The following SLC33A1 variants were observed in gnomAD, a reference collection of about 807,000 sequenced individuals.
SLC33A1 encodes acetyl-coenzyme A transporter 1.
In SLC33A1, 20 loss-of-function variants were observed where a neutral mutation model predicts 50.0. That is an observed-to-expected ratio of 0.40 (90% confidence interval 0.28 to 0.58). The LOEUF (loss-of-function observed/expected upper bound fraction) is 0.58. Ranked by LOEUF, SLC33A1 falls within the 20% of genes least tolerant of loss-of-function variation. The pLI, the probability that SLC33A1 is intolerant of heterozygous loss-of-function variation, is 0.44. For missense variants in SLC33A1, 476 were observed against 657.0 expected (o/e 0.72, Z 3.01); for synonymous variants, 265 against 251.8 (o/e 1.05, Z -0.50).
chr3:155,832,206 C>T (rs1023877640), intron 4 of SLC33A1, among the ~76,000 whole-genome samples: 2 of 151,812 alleles, frequency 1.3e-5, no homozygotes, highest in African/African-American at 2.4e-5. Flanking sequence ...GGAGAAACCC[C>T]GTCTCTACTA....
At chr3:155,829,062 C>T (rs555732145) in intron 5 of SLC33A1, among the ~76,000 whole-genome samples, 3 of 151,916 alleles carry the variant, frequency 2.0e-5, no homozygotes, top group Non-Finnish European at 4.4e-5. Flanking sequence ...CCACCCCGCC[C>T]GGCTAATTTT....
In SLC33A1 at chr3:155,827,501, G is replaced by C. The variant is rs1372762775; in HGVS notation, c.*709C>G. ...GGAATCAAAATATCTTCCAAAAAGA[G>C]GGGGTAGGGGCAAGAGGAATCAATA... On this transcript the variant is annotated 3_prime_UTR_variant, in exon 6 of 6. Coordinates refer to ENST00000643144, the MANE Select transcript of SLC33A1 (RefSeq NM_004733.4). The C allele has an allele frequency of 6.6e-6, 1 of 152,150 alleles. No homozygotes were observed. Among genetic ancestry groups the C allele is most frequent in the Non-Finnish European group, 1.5e-5 (1 of 68,028 alleles). The allele number at this position is 152,150 out of a possible 1,614,324, so 9.4% of individuals were successfully genotyped here.
intron 5 of SLC33A1, among the ~76,000 whole-genome samples, chr3:155,829,070 T>C (rs923406060): frequency 6.6e-6 from 1 of 151,828 alleles, no homozygotes; most frequent in African/African-American, 2.4e-5. Context: ...CCCGGCTAAT[T>C]TTTTGTATTT....
At chr3:155,833,755 T>A (rs1752543033) in intron 3 of SLC33A1, 102 bp downstream of exon 3, 2 of 1,076,772 alleles carry the variant, frequency 1.9e-6, no homozygotes, top group Non-Finnish European at 1.4e-6. Context: ...GCTTTTCAAA[T>A]CTTTTTCCAT....
chr3:155,838,229 G>A (rs1232073394), intron 2 of SLC33A1, among the ~76,000 whole-genome samples: 3 of 151,608 alleles, frequency 2.0e-5, no homozygotes, highest in Admixed American at 6.6e-5. Context: ...CTTGAACCCC[G>A]GAGGCAGGGG....
intron 1 of SLC33A1, among the ~76,000 whole-genome samples, chr3:155,844,457 ATTTTTTTTTTT>A (rs869180951): frequency 7.4e-4 from 25 of 33,580 alleles, no homozygotes; most frequent in African/African-American, 2.1e-3. Flanking sequence ...ATATATATAT[ATTTTTTTTTTT>A]TTTTTTTTTT....
chr3:155,834,107 G>A, intron 2 of SLC33A1, 66 bp from the exon 3 acceptor site: 1 of 1,296,694 alleles, frequency 7.7e-7, no homozygotes, highest in Admixed American at 1.8e-5. Flanking sequence ...CCATGCATAT[G>A]TAAGTTCTTC....
intron 5 of SLC33A1, among the ~76,000 whole-genome samples, chr3:155,829,098 C>T (rs954887616): frequency 6.6e-6 from 1 of 152,010 alleles, no homozygotes; most frequent in Non-Finnish European, 1.5e-5. Context: ...GATGGGGTTT[C>T]ACCGTGTTGC....
chr3:155,840,820 A>C (rs915436555), intron 2 of SLC33A1, among the ~76,000 whole-genome samples: 3 of 151,762 alleles, frequency 2.0e-5, no homozygotes, highest in African/African-American at 7.3e-5. Context: ...ATCTCAAAAT[A>C]AACAAATACA....
intron 4 of SLC33A1, 97 bp from the exon 5 acceptor site, chr3:155,830,000 T>C: frequency 1.2e-6 from 1 of 803,152 alleles, no homozygotes. Context: ...GAAATTAATT[T>C]TCATGGTATT....
At position 155,854,304 on chromosome 3, in the gene SLC33A1, G is replaced by C. The variant is rs1378818330; in HGVS notation, c.-307C>G. The C allele has an allele frequency of 3.5e-6, 1 of 288,786 alleles. No individual in the cohort carries two copies. Among genetic ancestry groups the C allele is most frequent in the East Asian group, 5.8e-5 (1 of 17,212 alleles). 17.9% of individuals were successfully genotyped at this position (288,786 alleles called of 1,614,324 possible). A position where few individuals can be genotyped will look rare whatever the true frequency, so the allele number is the denominator to read the frequency against. On this transcript the variant is annotated 5_prime_UTR_variant, in exon 1 of 6. Transcript: ENST00000643144. ...GCTGGAGGTGTGTGCCGTGGTGCCA[G>C]GATGGAAACCAGCTCCTACCTGCGG... is the stretch of plus-strand genomic sequence containing the variant.
At chr3:155,832,723 C>CA (rs11303771) in intron 4 of SLC33A1, among the ~76,000 whole-genome samples, 1,625 of 27,056 alleles carry the variant, frequency 0.06, 49 homozygotes, top group Non-Finnish European at 0.084. Context: ...GACTCTGTCT[C>CA]AAAAAAAAAA....
chr3:155,852,537 T>C (rs971333462), intron 1 of SLC33A1, among the ~76,000 whole-genome samples: 2 of 152,248 alleles, frequency 1.3e-5, no homozygotes, highest in Non-Finnish European at 2.9e-5. Flanking sequence ...TACTTTTTTG[T>C]ACTTTCCTGC....
In SLC33A1 at chr3:155,853,222, C is replaced by T. The variant is rs1417891587; in HGVS notation, c.775+1G>A. On this transcript the variant is annotated splice_donor_variant, in intron 1 of 5. Coordinates refer to ENST00000643144, the MANE Select transcript of SLC33A1 (RefSeq NM_004733.4). LOFTEE classifies it high-confidence loss of function. ...ACACCATAATAGCTTAAATACACTACCTGAAAGAGTAACGATTCCTCTGGG... is the reference window on the plus strand; with the variant it reads ...ACACCATAATAGCTTAAATACACTATCTGAAAGAGTAACGATTCCTCTGGG... 3.7e-6 allele frequency: 6 copies of T among 1,611,972 alleles called. No homozygotes were observed. Among genetic ancestry groups the T allele is most frequent in the Non-Finnish European group, 5.1e-6 (6 of 1,178,334 alleles).
At position 155,853,572 on chromosome 3, in the gene SLC33A1, A is replaced by G; in HGVS notation, c.426T>C (p.Ser142=). The stretch of plus-strand genomic sequence containing the variant: ...GTATATACTGTGTCGGGACAAGCCA[A>G]GATTTGCGACGACCGAAGTTCTTAA... The part of the protein sequence containing the change: ...VYVKNFGRRK[S]WLVPTQYILG... The change falls in exon 1 of 6, where the codon TCT becomes TCC. Residue 142 remains serine, a synonymous_variant. Coordinates refer to ENST00000643144, the MANE Select transcript of SLC33A1 (RefSeq NM_004733.4). 3 of 1,614,216 alleles carry G rather than the reference A, an allele frequency of 1.9e-6. No homozygotes were observed. Among genetic ancestry groups the G allele is most frequent in the Non-Finnish European group, 2.5e-6 (3 of 1,180,036 alleles).
chr3:155,828,633 C>T (rs909505331), intron 5 of SLC33A1, among the ~76,000 whole-genome samples: 33 of 152,060 alleles, frequency 2.2e-4, no homozygotes, highest in African/African-American at 6.8e-4. Flanking sequence ...CTTGTGGCCC[C>T]GGCTGAAATG....
chr3:155,850,200 G>A (rs1230250350), intron 1 of SLC33A1, among the ~76,000 whole-genome samples: 2 of 151,924 alleles, frequency 1.3e-5, no homozygotes, highest in Non-Finnish European at 2.9e-5. Context: ...GAAGAGACAA[G>A]GTTTCACCAT....
At chr3:155,840,796 A>G (rs1010898458) in intron 2 of SLC33A1, among the ~76,000 whole-genome samples, 10 of 151,794 alleles carry the variant, frequency 6.6e-5, no homozygotes, top group Non-Finnish European at 1.5e-4. Context: ...CCTGGGCAAT[A>G]AGAGTGAAAC....
At chr3:155,847,376 T>C (rs1263451698) in intron 1 of SLC33A1, among the ~76,000 whole-genome samples, 1 of 152,210 alleles carries the variant, frequency 6.6e-6, no homozygotes, top group Non-Finnish European at 1.5e-5. Context: ...TTGAGTCATA[T>C]AAATTATGTG....
Sources: allele counts gnomAD v4.1 joint callset (sites outside exome capture counted in the v4.1 genomes callset), GRCh38; gene constraint gnomAD v4.1.1; transcripts MANE v1.5; gene names NCBI Gene and HGNC (gene_info 2026-07-23, HGNC 2026-07-21).